Variants in TNS1 observed in about 807,000 individuals in gnomAD.
TNS1 encodes tensin 1.
A neutral mutation model predicts 168.6 loss-of-function variants in TNS1; 62 were observed. The ratio of observed to expected loss-of-function variants is 0.37; its 90% CI spans 0.30 to 0.45. The LOEUF is 0.45. TNS1 is among the 20% of genes least tolerant of loss of function. The pLI is 1.00. For synonymous variants in TNS1, 934 were observed against 933.2 expected (o/e 1.00, Z -0.02); for missense variants, 2,240 against 2,339.4 (o/e 0.96, Z 0.88).
chr2:217,863,206 A>ACTGTTCTGTT (rs1948951992), intron 18 of TNS1, among the ~76,000 whole-genome samples: 1 of 152,210 alleles, frequency 6.6e-6, no homozygotes, highest in African/African-American at 2.4e-5. Flanking sequence ...AGGAGGAAAC[A>ACTGTTCTGTT]GAACAGAGTG....
intron 3 of TNS1, among the ~76,000 whole-genome samples, chr2:217,966,268 C>CGTGTGTGTGTGTGTGT (rs3838555): frequency 7.1e-6 from 1 of 140,744 alleles, no homozygotes; most frequent in Non-Finnish European, 1.6e-5. Flanking sequence ...GAGCAGGCTG[C>CGTGTGTGTGTGTGTGT]GTGTGTGTGT....
intron 22 of TNS1, among the ~76,000 whole-genome samples, chr2:217,822,315 G>A (rs1942995669): frequency 6.6e-6 from 1 of 152,132 alleles, no homozygotes; most frequent in African/African-American, 2.4e-5. Flanking sequence ...CTAGAGTCTG[G>A]GGCCCTACAG....
At chr2:217,820,836 C>A (rs890762089) in intron 23 of TNS1, among the ~76,000 whole-genome samples, 1 of 152,152 alleles carries the variant, frequency 6.6e-6, no homozygotes, top group Middle Eastern at 3.2e-3. Flanking sequence ...CTGTCACCCA[C>A]CTCTGGGCTT....
At chr2:217,841,232 G>T in intron 19 of TNS1, 2 of 985,144 alleles carry the variant, frequency 2.0e-6, no homozygotes, top group Non-Finnish European at 2.4e-6. Flanking sequence ...CGGTGGAGAG[G>T]AGGGGGCGGG....
intron 4 of TNS1, among the ~76,000 whole-genome samples, chr2:217,918,815 A>T (rs1329973458): frequency 7.2e-6 from 1 of 139,218 alleles, no homozygotes; most frequent in Non-Finnish European, 1.5e-5. Context: ...TCTTGCTGGC[A>T]GTTCCAAGCC....
At chr2:217,898,568 G>A (rs187117585) in intron 7 of TNS1, among the ~76,000 whole-genome samples, 8 of 152,330 alleles carry the variant, frequency 5.3e-5, no homozygotes, top group East Asian at 1.9e-4. Flanking sequence ...CAGCCCTCCC[G>A]GAGGCAGGCC....
At chr2:217,954,876 T>C (rs41481251) in intron 3 of TNS1, among the ~76,000 whole-genome samples, 12,726 of 152,186 alleles carry the variant, frequency 0.084, 839 homozygotes, top group African/African-American at 0.18. Context: ...AAGATCCACA[T>C]TGGCAAACAC....
At chr2:217,822,438 G>A (rs1210068618) in intron 22 of TNS1, among the ~76,000 whole-genome samples, 1 of 152,094 alleles carries the variant, frequency 6.6e-6, no homozygotes, top group African/African-American at 2.4e-5. Flanking sequence ...CTAGCAACAG[G>A]CCTGCACTGG....
chr2:218,003,662 C>T (rs935113980), upstream of TNS1, among the ~76,000 whole-genome samples: 2 of 151,934 alleles, frequency 1.3e-5, no homozygotes, highest in Middle Eastern at 3.4e-3. Flanking sequence ...TTCCTGCAAA[C>T]ATCTGTCCCA....
intron 19 of TNS1, among the ~76,000 whole-genome samples, chr2:217,843,269 C>A (rs1946226752): frequency 6.6e-6 from 1 of 152,144 alleles, no homozygotes; most frequent in Non-Finnish European, 1.5e-5. Context: ...AATTTACCTA[C>A]ATGGGCTCCT....
intron 3 of TNS1, 65 bp downstream of exon 3, chr2:217,978,700 A>C (rs1263372029): frequency 5.8e-6 from 4 of 687,586 alleles, no homozygotes; most frequent in Non-Finnish European, 8.0e-6. Context: ...CCCCCGCTCC[A>C]ATCTGGGACC....
chr2:217,843,548 C>G (rs1204449188), intron 19 of TNS1, among the ~76,000 whole-genome samples: 6 of 152,198 alleles, frequency 3.9e-5, no homozygotes, highest in African/African-American at 1.4e-4. Flanking sequence ...CAATCCCCCA[C>G]AGTCTGGTTT....
chr2:217,903,937 T>A (rs1212940120), intron 6 of TNS1: 1 of 360,650 alleles, frequency 2.8e-6, no homozygotes, highest in Non-Finnish European at 4.9e-6. Flanking sequence ...GAGCCCTGCT[T>A]TCCTTTGAGG....
intron 18 of TNS1, among the ~76,000 whole-genome samples, chr2:217,855,141 C>A (rs1252222648): frequency 1.3e-5 from 2 of 152,160 alleles, no homozygotes; most frequent in Non-Finnish European, 2.9e-5. Context: ...TAAAGCCCAA[C>A]CCCCACGCTG....
At chr2:218,031,261 A>AGT (rs371203257) in intron 1 of TNS1, among the ~76,000 whole-genome samples, 31,936 of 117,182 alleles carry the variant, frequency 0.27, 7,323 homozygotes, top group African/African-American at 0.63. Flanking sequence ...TGAGTGTATG[A>AGT]GTGTGTTGTG....
At chr2:217,810,660 C>T (rs62183753) in intron 28 of TNS1, among the ~76,000 whole-genome samples, 10,478 of 152,220 alleles carry the variant, frequency 0.069, 410 homozygotes, top group South Asian at 0.12. Flanking sequence ...TAACATAAAG[C>T]AAGCCTTCAA....
At position 217,918,315 on chromosome 2, in the gene TNS1, G is replaced by C. The variant is rs111794863; in HGVS notation, c.228+1880C>G. ...GAGCGGGGGAGCTGGGATGCAGAAGGAGGTGGTCTAACTCCCTCGCTCTTT... is the reference window on the plus strand; with the variant it reads ...GAGCGGGGGAGCTGGGATGCAGAAGCAGGTGGTCTAACTCCCTCGCTCTTT... On this transcript the variant is annotated intron_variant, in intron 4 of 32. Transcript: ENST00000682258. Among the ~76,000 whole-genome samples the C allele has an allele frequency of 4.1e-3, 628 of 152,322 alleles. 5 individuals are homozygous for C. Among genetic ancestry groups the C allele is most frequent in the African/African-American group, 0.014 (584 of 41,580 alleles).
chr2:217,914,788 T>G (rs1340856051), intron 4 of TNS1, among the ~76,000 whole-genome samples: 1 of 152,254 alleles, frequency 6.6e-6, no homozygotes, highest in East Asian at 1.9e-4. Flanking sequence ...CCAGCCTAAA[T>G]GCTGTTCTTT....
At chr2:217,900,997 A>G (rs1014738373) in intron 6 of TNS1, among the ~76,000 whole-genome samples, 4 of 152,208 alleles carry the variant, frequency 2.6e-5, no homozygotes, top group African/African-American at 9.6e-5. Context: ...AATTGAGTTT[A>G]GAGACCAGAA....
Sources: gnomAD v4.1 joint callset for allele counts (sites outside exome capture counted in the v4.1 genomes callset) on GRCh38, gnomAD v4.1.1 for gene constraint, MANE v1.5 for transcripts, NCBI Gene and HGNC (gene_info 2026-07-23, HGNC 2026-07-21) for gene names.